The following CMSS1 variants were observed in gnomAD, a reference collection of about 807,000 sequenced individuals.
CMSS1 encodes protein CMSS1.
CMSS1 carries 33 observed loss-of-function variants against 43.5 expected under a neutral mutation model. The observed-to-expected ratio is 0.76, with a 90% CI of 0.57 to 1.01. The LOEUF (loss-of-function observed/expected upper bound fraction) is 1.01, where lower values mean the gene tolerates loss of function less well. CMSS1 is among the 50% of genes least tolerant of loss of function. CMSS1 has a pLI of 0.00. For synonymous variants in CMSS1, 115 were observed against 117.2 expected (o/e 0.98, Z 0.12); for missense variants, 313 against 326.4 (o/e 0.96, Z 0.32).
At chr3:99,978,430 A>G (rs1709029786) in intron 1 of CMSS1, among the ~76,000 whole-genome samples, 1 of 152,246 alleles carries the variant, frequency 6.6e-6, no homozygotes. Flanking sequence ...TGGTATATCT[A>G]CACAATGGAA....
Position 99,935,016 on chromosome 3 carries a change from G to C in CMSS1, c.64+116973G>C, listed in dbSNP as rs149273654. Reference sequence around the variant, plus strand: ...TACTGAGGAGCATGTGTCTCTACATGTTTACAGTGGTGGAGTTTCCTTGCC... The same window carrying C: ...TACTGAGGAGCATGTGTCTCTACATCTTTACAGTGGTGGAGTTTCCTTGCC... On this transcript the variant is annotated intron_variant, in intron 1 of 9. Transcript: ENST00000421999. 3.1e-3 allele frequency among the ~76,000 whole-genome samples: 468 copies of C among 152,224 alleles called. 4 individuals are homozygous for C. The highest frequency in any genetic ancestry group is 0.011 in the African/African-American group (443 of 41,526).
chr3:99,992,181 AT>A (rs1277629055), intron 1 of CMSS1, among the ~76,000 whole-genome samples: 16 of 151,982 alleles, frequency 1.1e-4, no homozygotes, highest in Admixed American at 2.6e-4. Flanking sequence ...TTGGATATAT[AT>A]CCCAGTAGTG....
chr3:100,019,621 C>G (rs1042919782), intron 1 of CMSS1, among the ~76,000 whole-genome samples: 2 of 152,026 alleles, frequency 1.3e-5, no homozygotes, highest in African/African-American at 4.8e-5. Context: ...AAAATTATTT[C>G]TAGATATCTT....
intron 1 of CMSS1, among the ~76,000 whole-genome samples, chr3:99,979,743 C>T (rs539166109): frequency 6.6e-6 from 1 of 152,222 alleles, no homozygotes; most frequent in South Asian, 2.1e-4. Flanking sequence ...ATATTCATGG[C>T]ATTGCTCTAG....
At chr3:99,881,237 G>A (rs1449993694) in intron 1 of CMSS1, among the ~76,000 whole-genome samples, 1 of 152,198 alleles carries the variant, frequency 6.6e-6, no homozygotes, top group African/African-American at 2.4e-5. Context: ...TGACGCCACT[G>A]TAAGATTATT....
At chr3:99,954,324 C>T (rs1471246058) in intron 1 of CMSS1, among the ~76,000 whole-genome samples, 5 of 152,222 alleles carry the variant, frequency 3.3e-5, no homozygotes, top group African/African-American at 1.2e-4. Flanking sequence ...GTATAATATT[C>T]ATGCTAGACA....
At chr3:100,107,343 T>TGTACACTTTTTACTTAAAGTACAAAC (rs1343946541) in intron 1 of CMSS1, among the ~76,000 whole-genome samples, 1 of 152,108 alleles carries the variant, frequency 6.6e-6, no homozygotes, top group Admixed American at 6.6e-5. Context: ...TGCATGTGGG[T>TGTACACTTTTTACTTAAAGTACAAAC]TTTAAGTAAA....
chr3:100,108,523 C>T (rs1559760103), intron 1 of CMSS1, among the ~76,000 whole-genome samples: 1 of 152,146 alleles, frequency 6.6e-6, no homozygotes, highest in Non-Finnish European at 1.5e-5. Context: ...AATCTATGCC[C>T]TTAGACATTA....
In CMSS1 at chr3:99,901,011, G is replaced by C. The variant is rs147702065; in HGVS notation, c.64+82968G>C. Among the ~76,000 whole-genome samples, 429 of 152,330 alleles carry C rather than the reference G, an allele frequency of 2.8e-3. 2 individuals are homozygous for C. The highest frequency in any genetic ancestry group is 0.01 in the Middle Eastern group (3 of 294). Reference sequence around the variant, plus strand: ...AAGCCAGTTTGCTTTGCTTCTTATTGATAATTATGAAGGCAGGCAGGGAAT... The same window carrying C: ...AAGCCAGTTTGCTTTGCTTCTTATTCATAATTATGAAGGCAGGCAGGGAAT... On this transcript the variant is annotated intron_variant, in intron 1 of 9. Coordinates refer to ENST00000421999, the MANE Select transcript of CMSS1 (RefSeq NM_032359.4).
intron 4 of CMSS1, among the ~76,000 whole-genome samples, chr3:100,166,110 A>G (rs996480957): frequency 2.0e-5 from 3 of 152,222 alleles, no homozygotes; most frequent in East Asian, 1.9e-4. Flanking sequence ...AGAAGCTCCT[A>G]TTTCACTGCT....
rs766540446 is a variant in CMSS1, at chr3:100,171,885, G to C, written c.565G>C (p.Ala189Pro). 29 of 1,613,640 alleles carry C rather than the reference G, an allele frequency of 1.8e-5. No homozygotes were observed. The highest frequency in any genetic ancestry group is 2.5e-5 in the Non-Finnish European group (29 of 1,179,778). Residue 189 changes from alanine to proline, a missense_variant, in exon 7 of 10, where the codon GCA becomes CCA. By Grantham distance (27) the Ala-to-Pro change is conservative (BLOSUM62 -1). Coordinates refer to ENST00000421999, the MANE Select transcript of CMSS1 (RefSeq NM_032359.4). ...AGACGGCAAAGTTATAAAATTATTT[G>C]CAAAGCACATAAAGGTAAGCAAGGG... ...RGDGKVIKLF[A>P]KHIKVQAQVK...
intron 1 of CMSS1, among the ~76,000 whole-genome samples, chr3:100,096,737 T>C (rs2066216404): frequency 6.6e-6 from 1 of 152,068 alleles, no homozygotes; most frequent in Non-Finnish European, 1.5e-5. Flanking sequence ...ATTAATTTAA[T>C]TGTACATTTT....
chr3:100,063,306 A>G (rs2065605806), intron 1 of CMSS1, among the ~76,000 whole-genome samples: 1 of 152,186 alleles, frequency 6.6e-6, no homozygotes, highest in Non-Finnish European at 1.5e-5. Flanking sequence ...AGAAAATTTA[A>G]AAATTGGTTC....
chr3:100,119,689 T>A (rs2107490457), intron 1 of CMSS1, among the ~76,000 whole-genome samples: 1 of 152,340 alleles, frequency 6.6e-6, no homozygotes, highest in African/African-American at 2.4e-5. Flanking sequence ...AGCATCTCAC[T>A]GAGCTAGAGG....
intron 1 of CMSS1, among the ~76,000 whole-genome samples, chr3:99,943,195 A>T (rs1448311482): frequency 6.6e-6 from 1 of 152,178 alleles, no homozygotes; most frequent in Non-Finnish European, 1.5e-5. Flanking sequence ...TGGTCAGCTC[A>T]TGCCTATTTT....
intron 1 of CMSS1, among the ~76,000 whole-genome samples, chr3:99,826,422 A>G (rs1243336457): frequency 1.3e-5 from 2 of 152,220 alleles, no homozygotes; most frequent in Non-Finnish European, 2.9e-5. Context: ...AAGCAGTCAT[A>G]GAAAATAAAT....
chr3:99,941,274 AT>A (rs1707843418), intron 1 of CMSS1, among the ~76,000 whole-genome samples: 1 of 152,146 alleles, frequency 6.6e-6, no homozygotes, highest in Admixed American at 6.5e-5. Context: ...CTCACAGCTT[AT>A]TATATTAATA....
intron 1 of CMSS1, among the ~76,000 whole-genome samples, chr3:99,856,584 T>C (rs1322962293): frequency 6.6e-6 from 1 of 152,228 alleles, no homozygotes; most frequent in Non-Finnish European, 1.5e-5. Flanking sequence ...AGCTTTCCGT[T>C]AGAGTTTCTA....
chr3:99,905,860 A>C (rs1706598697), intron 1 of CMSS1, among the ~76,000 whole-genome samples: 1 of 152,246 alleles, frequency 6.6e-6, no homozygotes, highest in Non-Finnish European at 1.5e-5. Flanking sequence ...TGCAAACTCT[A>C]GTTGCTTCAC....
Sources: gnomAD v4.1 joint callset for allele counts (sites outside exome capture counted in the v4.1 genomes callset) on GRCh38, gnomAD v4.1.1 for gene constraint, MANE v1.5 for transcripts, NCBI Gene and HGNC (gene_info 2026-07-23, HGNC 2026-07-21) for gene names.